SLC1A2: variants seen among roughly 807,000 people sequenced by gnomAD.
SLC1A2 encodes solute carrier family 1 member 2, also known as excitatory amino acid transporter 2.
SLC1A2 carries 15 observed loss-of-function variants against 48.8 expected under a neutral mutation model. The observed-to-expected ratio is 0.31, with a 90% CI of 0.21 to 0.47. SLC1A2 has a LOEUF of 0.47. SLC1A2 is among the 20% of genes least tolerant of loss of function. The pLI is 0.99. For synonymous variants in SLC1A2, 279 were observed against 272.6 expected (o/e 1.02, Z -0.23); for missense variants, 502 against 730.5 (o/e 0.69, Z 3.61).
chr11:35,310,847 T>G (rs1226999353), intron 4 of SLC1A2, among the ~76,000 whole-genome samples: 1 of 152,064 alleles, frequency 6.6e-6, no homozygotes, highest in East Asian at 1.9e-4. Flanking sequence ...AATCTCAAGT[T>G]TAAAAAAATG....
At chr11:35,364,282 T>C (rs1342319250) in intron 1 of SLC1A2, among the ~76,000 whole-genome samples, 1 of 152,198 alleles carries the variant, frequency 6.6e-6, no homozygotes, top group African/African-American at 2.4e-5. Flanking sequence ...AAGGCATTTC[T>C]GGAAAGGGTC....
intron 1 of SLC1A2, among the ~76,000 whole-genome samples, chr11:35,325,559 A>G (rs1404055228): frequency 6.6e-6 from 1 of 152,192 alleles, no homozygotes; most frequent in African/African-American, 2.4e-5. Flanking sequence ...GTTCTTTGTG[A>G]CACTCCATTG....
At chr11:35,281,846 T>C (rs1362261893) in intron 8 of SLC1A2, 1 of 152,148 alleles carries the variant, frequency 6.6e-6, no homozygotes. Flanking sequence ...CATATCAAAA[T>C]GTCATATCAA....
chr11:35,410,156 CA>C (rs201613027), intron 1 of SLC1A2, among the ~76,000 whole-genome samples: 1 of 53,584 alleles, frequency 1.9e-5, no homozygotes, highest in South Asian at 5.4e-4. Flanking sequence ...TTATTTCTAA[CA>C]AAAAAAATAG....
intron 8 of SLC1A2, among the ~76,000 whole-genome samples, chr11:35,283,067 T>C (rs1055801923): frequency 4.1e-5 from 6 of 148,130 alleles, no homozygotes; most frequent in African/African-American, 1.3e-4. Context: ...GCAAGGGACA[T>C]ATATGGTAAC....
rs115028046 is a variant in SLC1A2 at position 35,270,510 on chromosome 11, A to G, written c.1422-4752T>C. Among the ~76,000 whole-genome samples the G allele has an allele frequency of 7.5e-3, 1,144 of 152,342 alleles. 15 individuals are homozygous for G. Among genetic ancestry groups the G allele is most frequent in the African/African-American group, 0.025 (1,055 of 41,576 alleles). ...AACAGATGTTTAATAAGCATCTTAG[A>G]GTGTGTAAGGGCACTATGCCAATTG... On this transcript the variant is annotated intron_variant, in intron 9 of 10. Coordinates refer to ENST00000278379, the MANE Select transcript of SLC1A2 (RefSeq NM_004171.4).
intron 10 of SLC1A2, 152 bp from the exon 11 acceptor site, chr11:35,261,117 G>A: frequency 1.5e-6 from 1 of 673,392 alleles, no homozygotes; most frequent in Non-Finnish European, 2.6e-6. Context: ...ATTTGAACCT[G>A]TCTTGGGTTT....
intron 1 of SLC1A2, among the ~76,000 whole-genome samples, chr11:35,362,192 G>A (rs1045557245): frequency 6.6e-6 from 1 of 152,156 alleles, no homozygotes; most frequent in Non-Finnish European, 1.5e-5. Flanking sequence ...GTGGCCTGAT[G>A]CAGAGCTCTG....
chr11:35,364,988 C>T (rs1590232388), intron 1 of SLC1A2, among the ~76,000 whole-genome samples: 1 of 152,310 alleles, frequency 6.6e-6, no homozygotes, highest in East Asian at 1.9e-4. Flanking sequence ...TCTGAACGCA[C>T]AGCCAATGCG....
intron 1 of SLC1A2, among the ~76,000 whole-genome samples, chr11:35,349,829 G>A (rs1306402089): frequency 6.6e-6 from 1 of 152,160 alleles, no homozygotes; most frequent in Non-Finnish European, 1.5e-5. Context: ...GGGGCTTACA[G>A]TTTAGTAATT....
chr11:35,339,848 G>A (rs1209855836), intron 1 of SLC1A2, among the ~76,000 whole-genome samples: 1 of 152,158 alleles, frequency 6.6e-6, no homozygotes, highest in Non-Finnish European at 1.5e-5. Flanking sequence ...TATCTCAAAT[G>A]AGAGGGTGAC....
At chr11:35,357,485 T>A (rs569828152) in intron 1 of SLC1A2, among the ~76,000 whole-genome samples, 5 of 152,330 alleles carry the variant, frequency 3.3e-5, no homozygotes, top group Non-Finnish European at 7.4e-5. Flanking sequence ...ACCTCGTAAC[T>A]TCATTTTGGG....
At position 35,254,244 on chromosome 11, in the gene SLC1A2, T is replaced by G. The variant is rs79332637; in HGVS notation, c.*6650A>C. On this transcript the variant is annotated 3_prime_UTR_variant, in exon 11 of 11. Coordinates refer to ENST00000278379, the MANE Select transcript of SLC1A2 (RefSeq NM_004171.4). ...AAAGTAGTTTTTTTATATACAAATCTCTATAGTGACCAGATAATCTGATCT... is the reference window on the plus strand; with the variant it reads ...AAAGTAGTTTTTTTATATACAAATCGCTATAGTGACCAGATAATCTGATCT... 9.5e-3 allele frequency: 1,454 copies of G among 152,784 alleles called. 12 individuals are homozygous for G. The highest frequency in any genetic ancestry group is 0.014 in the Non-Finnish European group (961 of 68,082). 9.5% of individuals were successfully genotyped at this position (152,784 alleles called of 1,614,324 possible).
At chr11:35,415,451 T>C (rs889503701) in intron 1 of SLC1A2, among the ~76,000 whole-genome samples, 4 of 152,234 alleles carry the variant, frequency 2.6e-5, no homozygotes, top group South Asian at 4.1e-4. Context: ...TTCTATATTA[T>C]TGAAAATGAG....
At chr11:35,378,610 C>T (rs1854317717) in intron 1 of SLC1A2, among the ~76,000 whole-genome samples, 1 of 152,160 alleles carries the variant, frequency 6.6e-6, no homozygotes, top group Non-Finnish European at 1.5e-5. Context: ...GCATTGGAGA[C>T]AAGAAGGACA....
chr11:35,333,419 GA>G (rs59682870), intron 1 of SLC1A2, among the ~76,000 whole-genome samples: 91 of 132,852 alleles, frequency 6.8e-4, no homozygotes, highest in Non-Finnish European at 8.2e-4. Context: ...TCTGCCTCAG[GA>G]AAAAAAAAAA....
At chr11:35,275,930 T>C (rs1850426799) in intron 9 of SLC1A2, among the ~76,000 whole-genome samples, 1 of 152,186 alleles carries the variant, frequency 6.6e-6, no homozygotes, top group South Asian at 2.1e-4. Flanking sequence ...AGAGCTAGTT[T>C]CCAGAACTCC....
intron 1 of SLC1A2, among the ~76,000 whole-genome samples, chr11:35,358,584 T>C (rs891934913): frequency 6.6e-6 from 1 of 152,246 alleles, no homozygotes; most frequent in African/African-American, 2.4e-5. Context: ...TCTCAATGTT[T>C]TCTGGTTTCC....
intron 1 of SLC1A2, among the ~76,000 whole-genome samples, chr11:35,407,803 G>A (rs778138498): frequency 1.3e-5 from 2 of 152,100 alleles, no homozygotes; most frequent in African/African-American, 2.4e-5. Context: ...CCCGCACCCC[G>A]TGAATCACCT....
Sources: allele counts gnomAD v4.1 joint callset (sites outside exome capture counted in the v4.1 genomes callset), GRCh38; gene constraint gnomAD v4.1.1; transcripts MANE v1.5; gene names NCBI Gene and HGNC (gene_info 2026-07-23, HGNC 2026-07-21).